The following PEMT variants were observed in gnomAD, a reference collection of about 807,000 sequenced individuals.
The protein encoded by PEMT is phosphatidylethanolamine N-methyltransferase.
Under a neutral mutation model 27.4 loss-of-function variants are expected in PEMT, and 23 were observed. The observed-to-expected ratio is 0.84, with a 90% confidence interval of 0.60 to 1.19. PEMT has a LOEUF of 1.19. Ranked by LOEUF, PEMT falls within the 50% of genes most tolerant of loss-of-function variation. PEMT has a pLI of 0.00. For synonymous variants in PEMT, 137 were observed against 139.1 expected (o/e 0.98, Z 0.11); for missense variants, 307 against 310.1 (o/e 0.99, Z 0.07).
intron 4 of PEMT, among the ~76,000 whole-genome samples, chr17:17,510,241 C>A (rs1460055291): frequency 6.6e-6 from 1 of 152,232 alleles, no homozygotes; most frequent in Admixed American, 6.5e-5. Context: ...ACAAGGCGTC[C>A]CCCGGCAGAG....
chr17:17,556,259 G>A (rs936265049), intron 2 of PEMT, among the ~76,000 whole-genome samples: 1 of 152,256 alleles, frequency 6.6e-6, no homozygotes, highest in Non-Finnish European at 1.5e-5. Context: ...GTCATTGGGA[G>A]TCTCATTGCC....
chr17:17,535,215 G>C (rs1567694196), intron 2 of PEMT, among the ~76,000 whole-genome samples: 2 of 152,170 alleles, frequency 1.3e-5, no homozygotes, highest in Admixed American at 1.3e-4. Context: ...GGCCTGTAAG[G>C]CTATTTTAAA....
intron 2 of PEMT, among the ~76,000 whole-genome samples, chr17:17,559,411 C>T (rs902673697): frequency 6.6e-6 from 1 of 152,208 alleles, no homozygotes; most frequent in Admixed American, 6.5e-5. Context: ...AGCCAGGCAG[C>T]CTGTTTAAAG....
intron 2 of PEMT, among the ~76,000 whole-genome samples, chr17:17,528,014 G>T (rs1196768639): frequency 6.6e-6 from 1 of 152,258 alleles, no homozygotes; most frequent in Non-Finnish European, 1.5e-5. Context: ...GCACCTGGGG[G>T]TCTAGAATGC....
intron 2 of PEMT, among the ~76,000 whole-genome samples, chr17:17,572,192 G>T (rs940335900): frequency 6.6e-6 from 1 of 152,156 alleles, no homozygotes; most frequent in Non-Finnish European, 1.5e-5. Flanking sequence ...TCCCACCTCC[G>T]CCAGTCCCAC....
chr17:17,563,371 C>T (rs907176953), intron 2 of PEMT, among the ~76,000 whole-genome samples: 1 of 152,170 alleles, frequency 6.6e-6, no homozygotes, highest in South Asian at 2.1e-4. Context: ...CTCAGCCCTT[C>T]CAATAACCGC....
Position 17,582,532 on chromosome 17 carries a change from A to G in PEMT, c.97-5505T>C. Reference sequence around the variant, plus strand: ...ATCGATTCCAGGCCACACACCACACACAACAAAGGGCAGGGGAATGGGTGG... The same window carrying G: ...ATCGATTCCAGGCCACACACCACACGCAACAAAGGGCAGGGGAATGGGTGG... On this transcript the variant is annotated intron_variant, in intron 1 of 6. Coordinates refer to ENST00000255389, the MANE Select transcript of PEMT (RefSeq NM_148172.3). This position sits in a 1 kb window ranked among gnomAD's most constrained non-coding sequence, Gnocchi z 4.9. The G allele has an allele frequency of 2.0e-6, 1 of 498,680 alleles. No individual in the cohort carries two copies. The highest frequency in any genetic ancestry group is 2.6e-6 in the Non-Finnish European group (1 of 385,228). The allele number at this position is 498,680 out of a possible 1,614,324, so 30.9% of individuals were successfully genotyped here.
At position 17,508,893 on chromosome 17, in the gene PEMT, C is replaced by T. The variant is rs78986276; in HGVS notation, c.578+541G>A. On this transcript the variant is annotated intron_variant, in intron 5 of 6. Coordinates refer to ENST00000255389, the MANE Select transcript of PEMT (RefSeq NM_148172.3). ...CAGCTGCGGGTGAGCTGGGCCCTGG[C>T]GGCTCTGGCCAACCCCTCCTGCGGG... is the stretch of plus-strand genomic sequence containing the variant. The T allele has an allele frequency of 1.7e-3, 608 of 358,442 alleles. 2 individuals are homozygous for T. Among genetic ancestry groups the T allele is most frequent in the African/African-American group, 0.013 (573 of 45,120 alleles). The allele number at this position is 358,442 out of a possible 1,614,324, so 22.2% of individuals were successfully genotyped here. A position where few individuals can be genotyped will look rare whatever the true frequency, so the allele number is the denominator to read the frequency against.
chr17:17,509,118 G>A (rs191034625), intron 5 of PEMT, among the ~76,000 whole-genome samples: 3 of 152,288 alleles, frequency 2.0e-5, no homozygotes, highest in Non-Finnish European at 2.9e-5. Context: ...CCAAAGACGC[G>A]CATCCATTTT....
At chr17:17,557,511 C>T (rs1597929732) in intron 2 of PEMT, among the ~76,000 whole-genome samples, 1 of 152,248 alleles carries the variant, frequency 6.6e-6, no homozygotes, top group Non-Finnish European at 1.5e-5. Context: ...CGCTCTGGGA[C>T]CCAGGCGGTA....
chr17:17,507,190 AG>A (rs1905941867), intron 5 of PEMT: 1 of 1,558,688 alleles, frequency 6.4e-7, no homozygotes, highest in South Asian at 1.2e-5. Flanking sequence ...CAGCTCCCGC[AG>A]GTGCTGGGCT....
At chr17:17,518,700 C>T (rs374878080) in intron 3 of PEMT, among the ~76,000 whole-genome samples, 2 of 152,328 alleles carry the variant, frequency 1.3e-5, no homozygotes, top group East Asian at 3.9e-4. Context: ...TCTCTGCCCA[C>T]CAACCGACTC....
At chr17:17,590,862 TCTCTG>T in intron 1 of PEMT, among the ~76,000 whole-genome samples, 1 of 152,160 alleles carries the variant, frequency 6.6e-6, no homozygotes, top group African/African-American at 2.4e-5. Flanking sequence ...GGACAGGCAC[TCTCTG>T]GCCTAGGACT....
At chr17:17,570,400 G>T in intron 2 of PEMT, 1 of 576,094 alleles carries the variant, frequency 1.7e-6, no homozygotes, top group Non-Finnish European at 2.2e-6. Flanking sequence ...GCAATGTCTG[G>T]AAACCACTCA....
chr17:17,581,263 C>T (rs1057501687), intron 1 of PEMT, among the ~76,000 whole-genome samples: 5 of 152,164 alleles, frequency 3.3e-5, no homozygotes, highest in African/African-American at 1.2e-4. Flanking sequence ...ACTAAGGAGG[C>T]CCTCACTCTA....
At chr17:17,552,449 A>C (rs1160720260) in intron 2 of PEMT, among the ~76,000 whole-genome samples, 1 of 152,182 alleles carries the variant, frequency 6.6e-6, no homozygotes, top group African/African-American at 2.4e-5. Flanking sequence ...TGAAACGGCC[A>C]CCACCGTCCC....
At chr17:17,535,691 A>G (rs1005279512) in intron 2 of PEMT, among the ~76,000 whole-genome samples, 2 of 152,212 alleles carry the variant, frequency 1.3e-5, no homozygotes, top group Non-Finnish European at 2.9e-5. Context: ...AAGGAAGCAG[A>G]CAGGAGTGAA....
At chr17:17,531,038 G>A (rs9890062) in intron 2 of PEMT, among the ~76,000 whole-genome samples, 18,995 of 140,102 alleles carry the variant, frequency 0.14, 2,223 homozygotes, top group African/African-American at 0.33. Context: ...GTGAGACTCC[G>A]TCTCAAAAAA....
intron 3 of PEMT, among the ~76,000 whole-genome samples, chr17:17,515,811 C>G (rs961361879): frequency 6.6e-6 from 1 of 152,188 alleles, no homozygotes; most frequent in Non-Finnish European, 1.5e-5. Flanking sequence ...GTATTCCGCA[C>G]TAGGGGTGGG....
Sources: allele counts gnomAD v4.1 joint callset (sites outside exome capture counted in the v4.1 genomes callset), GRCh38; gene constraint gnomAD v4.1.1; non-coding constraint Gnocchi (gnomAD v3.1); transcripts MANE v1.5; gene names NCBI Gene and HGNC (gene_info 2026-07-23, HGNC 2026-07-21).